RNF216: variants seen among roughly 807,000 people sequenced by gnomAD.
RNF216 encodes ring finger protein 216.
A neutral mutation model predicts 110.8 loss-of-function variants in RNF216; 72 were observed. The observed-to-expected ratio is 0.65, with a 90% CI of 0.54 to 0.79. RNF216 has a LOEUF of 0.79. RNF216 is among the 30% of genes least tolerant of loss of function. The probability of loss-of-function intolerance (pLI) is 0.00; values close to 1 mark genes in which losing one functional copy is unlikely to be tolerated. For missense variants in RNF216, 1,342 were observed against 1,141.2 expected (o/e 1.18, Z -2.54); for synonymous variants, 495 against 407.5 (o/e 1.21, Z -2.59).
chr7:5,768,875 A>T (rs1304773806), intron 1 of RNF216, among the ~76,000 whole-genome samples: 1 of 151,368 alleles, frequency 6.6e-6, no homozygotes, highest in East Asian at 2.0e-4. Context: ...GTTAGCCAGG[A>T]TGGTCTTGAT....
chr7:5,620,744 C>A lies in RNF216; in HGVS notation c.*2116G>T, dbSNP rs548451283. ...TCCCCTGCCAGGGTTGAGGCCAGCA[C>A]CTGTCTAGGGCTGTTTCTGCAGCTG... is the stretch of plus-strand genomic sequence containing the variant. On this transcript the variant is annotated 3_prime_UTR_variant, in exon 17 of 17. Transcript: ENST00000389902. 3 of 152,732 alleles carry A rather than the reference C, an allele frequency of 2.0e-5. No homozygotes were observed. The highest frequency in any genetic ancestry group is 7.2e-5 in the African/African-American group (3 of 41,590). 9.5% of individuals were successfully genotyped at this position (152,732 alleles called of 1,614,324 possible). A position where few individuals can be genotyped will look rare whatever the true frequency, so the allele number is the denominator to read the frequency against.
intron 5 of RNF216, among the ~76,000 whole-genome samples, 198 bp downstream of exon 5, chr7:5,739,078 G>A (rs1442849869): frequency 1.3e-5 from 2 of 152,180 alleles, no homozygotes; most frequent in Admixed American, 6.5e-5. Flanking sequence ...GGGAGTGAGT[G>A]TTTAATGCGG....
chr7:5,760,569 C>A, intron 2 of RNF216: 1 of 285,402 alleles, frequency 3.5e-6, no homozygotes, highest in Non-Finnish European at 7.1e-6. Context: ...AATACATGTT[C>A]CAAAATTCCC....
chr7:5,712,239 G>A (rs9648579), intron 12 of RNF216, among the ~76,000 whole-genome samples: 5,723 of 152,286 alleles, frequency 0.038, 159 homozygotes, highest in South Asian at 0.067. Context: ...CAGCACTTTG[G>A]GAGGCTGAGG....
chr7:5,704,806 T>C (rs1584481250), intron 13 of RNF216, among the ~76,000 whole-genome samples: 1 of 152,190 alleles, frequency 6.6e-6, no homozygotes, highest in Admixed American at 6.5e-5. Context: ...CAGGTCCCCA[T>C]ATAACATTTT....
chr7:5,748,612 AC>A (rs1795167023), intron 3 of RNF216, among the ~76,000 whole-genome samples: 1 of 1,102 alleles, frequency 9.1e-4, no homozygotes. Flanking sequence ...TTATATACAT[AC>A]ACACACACAC....
At chr7:5,640,965 G>A (rs1216282265) in intron 15 of RNF216, among the ~76,000 whole-genome samples, 189 bp downstream of exon 15, 1 of 152,196 alleles carries the variant, frequency 6.6e-6, no homozygotes, top group African/African-American at 2.4e-5. Flanking sequence ...GTTAGGGCAT[G>A]CTGCTTTGAG....
intron 15 of RNF216, among the ~76,000 whole-genome samples, chr7:5,638,040 C>A (rs1289961436): frequency 2.0e-5 from 3 of 152,176 alleles, no homozygotes; most frequent in Non-Finnish European, 2.9e-5. Context: ...ATGGGCCCCA[C>A]ACCCTCTCCT....
Position 5,712,709 on chromosome 7 carries a change from A to G in RNF216, c.1982+6T>C, listed in dbSNP as rs1400023476. On this transcript the variant is annotated splice_donor_region_variant and intron_variant, in intron 12 of 16. Transcript: ENST00000389902. Reference sequence around the variant, plus strand: ...GGCAGATGGCACGCTCTGCCTGAGAACGAACCTGACAAGCTCGTCGGCGTA... The same window carrying G: ...GGCAGATGGCACGCTCTGCCTGAGAGCGAACCTGACAAGCTCGTCGGCGTA... 6.2e-7 allele frequency: 1 copy of G among 1,613,788 alleles called. No individual in the cohort carries two copies. Among genetic ancestry groups the G allele is most frequent in the African/African-American group, 1.3e-5 (1 of 74,906 alleles).
intron 3 of RNF216, among the ~76,000 whole-genome samples, chr7:5,743,061 G>C (rs1184805071): frequency 4.6e-5 from 7 of 152,078 alleles, no homozygotes; most frequent in Non-Finnish European, 8.8e-5. Flanking sequence ...AGGAGATCGA[G>C]ACCATCCTGG....
chr7:5,774,736 C>A (rs1796682738), intron 1 of RNF216, among the ~76,000 whole-genome samples: 1 of 148,536 alleles, frequency 6.7e-6, no homozygotes, highest in South Asian at 2.1e-4. Context: ...GGGAAAAAAT[C>A]TTTATTTTCC....
intron 9 of RNF216, among the ~76,000 whole-genome samples, chr7:5,717,271 T>G (rs1282064092): frequency 6.6e-6 from 1 of 152,168 alleles, no homozygotes; most frequent in Non-Finnish European, 1.5e-5. Context: ...GAAGATTACT[T>G]GAACCTGGGA....
In RNF216 at chr7:5,702,345, C is replaced by T. The variant is rs188343699; in HGVS notation, c.2061+9416G>A. 2.8e-4 allele frequency among the ~76,000 whole-genome samples: 42 copies of T among 152,250 alleles called. No individual in the cohort carries two copies. In the South Asian group the frequency reaches 2.9e-3, roughly 11 times the overall value. On this transcript the variant is annotated intron_variant, in intron 13 of 16. Coordinates refer to ENST00000389902, the MANE Select transcript of RNF216 (RefSeq NM_207111.4). ...CATGAGGGATAAAGTAGCTGAAATA[C>T]AGGGGTAAAAAACTATTTCCACAGG...
intron 1 of RNF216, among the ~76,000 whole-genome samples, chr7:5,778,611 A>T (rs1332553097): frequency 1.3e-5 from 2 of 152,246 alleles, no homozygotes; most frequent in Non-Finnish European, 2.9e-5. Flanking sequence ...GTACTTTCAG[A>T]ATAAATAGCA....
intron 1 of RNF216, chr7:5,780,049 G>C (rs1459182245): frequency 6.6e-6 from 1 of 152,052 alleles, no homozygotes; most frequent in Non-Finnish European, 1.5e-5. Flanking sequence ...CAGGAAGATG[G>C]AGGACAAACA....
At chr7:5,628,593 G>A (rs1023309392) in intron 15 of RNF216, among the ~76,000 whole-genome samples, 1 of 152,036 alleles carries the variant, frequency 6.6e-6, no homozygotes, top group African/African-American at 2.4e-5. Context: ...CACCATCATA[G>A]ATCACTGCAG....
At chr7:5,673,443 G>C (rs1790056823) in intron 13 of RNF216, among the ~76,000 whole-genome samples, 1 of 152,206 alleles carries the variant, frequency 6.6e-6, no homozygotes, top group East Asian at 1.9e-4. Context: ...GAAGGGGCCA[G>C]ACTAACAAGA....
intron 14 of RNF216, among the ~76,000 whole-genome samples, chr7:5,648,991 G>C (rs1042208567): frequency 6.6e-6 from 1 of 152,156 alleles, no homozygotes; most frequent in African/African-American, 2.4e-5. Context: ...GGTCATAAAG[G>C]TAAGTGCTAT....
chr7:5,624,030 C>CT lies in RNF216; in HGVS notation c.2452+25dup. 6.2e-7 allele frequency: 1 copy of CT among 1,607,110 alleles called. No individual in the cohort carries two copies. The highest frequency in any genetic ancestry group is 1.7e-4 in the Middle Eastern group (1 of 6,052). On this transcript the variant is annotated intron_variant, in intron 16 of 16. Transcript: ENST00000389902. The surrounding 1 kb of genome is among the most constrained non-coding windows in gnomAD (Gnocchi z 4.4). ...TGCATGGCCTGGCTGCTGCTCTGTC[C>CT]TGGGGGCCTGGGGAGGGGCACTTGC...
Sources: allele counts gnomAD v4.1 joint callset (sites outside exome capture counted in the v4.1 genomes callset), GRCh38; gene constraint gnomAD v4.1.1; non-coding constraint Gnocchi (gnomAD v3.1); transcripts MANE v1.5; gene names NCBI Gene and HGNC (gene_info 2026-07-23, HGNC 2026-07-21).